ROBO2: variants seen among roughly 807,000 people sequenced by gnomAD.
The protein encoded by ROBO2 is roundabout homolog 2.
A neutral mutation model predicts 160.8 loss-of-function variants in ROBO2; 53 were observed. That is an observed-to-expected ratio of 0.33 (90% CI 0.26 to 0.41). The LOEUF is 0.41. ROBO2 is among the 10% of genes least tolerant of loss of function. The pLI is 1.00. For missense variants in ROBO2, 1,577 were observed against 1,722.4 expected (o/e 0.92, Z 1.49); for synonymous variants, 664 against 611.7 (o/e 1.09, Z -1.26).
At chr3:77,463,014 C>T (rs1392603952) in intron 2 of ROBO2, among the ~76,000 whole-genome samples, 4 of 152,174 alleles carry the variant, frequency 2.6e-5, no homozygotes, top group African/African-American at 4.8e-5. Flanking sequence ...TTCATACTTT[C>T]ATCTTTCAGT....
Position 76,503,017 on chromosome 3 carries a change from TGTGC to T in ROBO2, c.109+565417_109+565420del, listed in dbSNP as rs1233297033. On this transcript the variant is annotated intron_variant, in intron 2 of 26. Coordinates refer to the ROBO2 transcript ENST00000487694. ...ATATATATATGTGTGTGTGTGTGTG[TGTGC>T]GCGCGCACGCATGTGTGTGTGCAAA... Among the ~76,000 whole-genome samples the T allele has an allele frequency of 1.3e-4, 18 of 142,692 alleles. No individual in the cohort carries two copies. In the South Asian group the frequency reaches 2.5e-3, roughly 20 times the overall value. The allele number at this position is 142,692 out of a possible 152,430, so 93.6% of individuals were successfully genotyped here. A position where few individuals can be genotyped will look rare whatever the true frequency, so the allele number is the denominator to read the frequency against.
chr3:76,460,818 A>G (rs1038499377), intron 2 of ROBO2, among the ~76,000 whole-genome samples: 1 of 152,222 alleles, frequency 6.6e-6, no homozygotes, highest in Non-Finnish European at 1.5e-5. Flanking sequence ...TTAAATCATT[A>G]AATTCTGGAA....
chr3:75,993,757 C>T (rs2065640319), intron 2 of ROBO2, among the ~76,000 whole-genome samples: 1 of 152,104 alleles, frequency 6.6e-6, no homozygotes, highest in African/African-American at 2.4e-5. Context: ...CATTGAAGCA[C>T]CTCATGACAA....
At chr3:76,887,194 ATTTTTTTTT>A (rs5850296) in intron 2 of ROBO2, among the ~76,000 whole-genome samples, 13 of 76,578 alleles carry the variant, frequency 1.7e-4, no homozygotes, top group African/African-American at 4.4e-4. Flanking sequence ...TTCAGGAAGC[ATTTTTTTTT>A]TTTTTTTTTT....
At chr3:77,623,594 C>A (rs867349563) in intron 23 of ROBO2, among the ~76,000 whole-genome samples, 1 of 152,096 alleles carries the variant, frequency 6.6e-6, no homozygotes, top group Non-Finnish European at 1.5e-5. Flanking sequence ...GCTTGCCAGC[C>A]TAATTAAGAT....
intron 2 of ROBO2, among the ~76,000 whole-genome samples, chr3:76,962,677 T>C (rs1056760784): frequency 6.9e-6 from 1 of 145,580 alleles, no homozygotes; most frequent in Admixed American, 6.9e-5. Flanking sequence ...CATGGTGACA[T>C]GCACCTGTGG....
chr3:76,568,892 T>C (rs2084778304), intron 2 of ROBO2, among the ~76,000 whole-genome samples: 1 of 152,190 alleles, frequency 6.6e-6, no homozygotes, highest in Non-Finnish European at 1.5e-5. Context: ...TATTTTAGAA[T>C]TGATATGTAA....
At chr3:76,300,456 C>T (rs185360160) in intron 2 of ROBO2, among the ~76,000 whole-genome samples, 231 of 152,018 alleles carry the variant, frequency 1.5e-3, no homozygotes, top group Admixed American at 3.0e-3. Flanking sequence ...AGCATGTCTT[C>T]TGGATGGAAT....
intron 2 of ROBO2, among the ~76,000 whole-genome samples, chr3:76,297,404 C>G (rs1451258940): frequency 6.6e-6 from 1 of 152,130 alleles, no homozygotes; most frequent in Non-Finnish European, 1.5e-5. Flanking sequence ...CTGGTCATCT[C>G]TGAGTAAAAC....
intron 2 of ROBO2, among the ~76,000 whole-genome samples, chr3:77,176,783 A>C (rs1323969968): frequency 6.6e-6 from 1 of 152,048 alleles, no homozygotes; most frequent in Non-Finnish European, 1.5e-5. Flanking sequence ...CTAGATCAGA[A>C]TAAATTTTGA....
chr3:76,682,939 A>G (rs1203288121), intron 2 of ROBO2, among the ~76,000 whole-genome samples: 1 of 152,144 alleles, frequency 6.6e-6, no homozygotes, highest in Non-Finnish European at 1.5e-5. Flanking sequence ...TTGAGGGTCT[A>G]CATTTGAGAA....
intron 2 of ROBO2, among the ~76,000 whole-genome samples, chr3:76,875,247 G>A (rs917603413): frequency 3.3e-5 from 5 of 152,152 alleles, no homozygotes; most frequent in Middle Eastern, 3.2e-3. Context: ...AAAACCAAAC[G>A]TGCCAGTGCC....
intron 2 of ROBO2, among the ~76,000 whole-genome samples, chr3:76,185,337 G>A (rs1426854982): frequency 6.6e-6 from 1 of 151,150 alleles, no homozygotes; most frequent in African/African-American, 2.4e-5. Context: ...GCTTTAAGTT[G>A]CATCTGTTTG....
chr3:76,805,502 TAC>T (rs1006098051), intron 2 of ROBO2, among the ~76,000 whole-genome samples: 13 of 151,782 alleles, frequency 8.6e-5, no homozygotes, highest in East Asian at 5.8e-4. Flanking sequence ...TATATATATA[TAC>T]ACACACACAT....
At position 77,415,539 on chromosome 3, in the gene ROBO2, A is replaced by G. The variant is rs958166656; in HGVS notation, c.389-61875A>G. Among the ~76,000 whole-genome samples the G allele has an allele frequency of 2.0e-5, 3 of 152,316 alleles. No homozygotes were observed. In the East Asian group the frequency reaches 5.8e-4, roughly 29 times the overall value. On this transcript the variant is annotated intron_variant, in intron 2 of 25. Coordinates refer to ENST00000461745, the Ensembl canonical transcript of ROBO2. ...TCACCAGCCAGAAATCTCTGTGGCCAGCTGTGCCCCTGCCCAGGCTTCACT... is the reference window on the plus strand; with the variant it reads ...TCACCAGCCAGAAATCTCTGTGGCCGGCTGTGCCCCTGCCCAGGCTTCACT...
At chr3:77,644,791 C>G in exon 25 of ROBO2, 2 of 1,614,074 alleles carry the variant, frequency 1.2e-6, no homozygotes, top group Non-Finnish European at 1.7e-6. Flanking sequence ...AAGGGATCCA[C>G]TGGACCTAGG....
At chr3:75,992,952 T>C (rs2065617011) in intron 2 of ROBO2, among the ~76,000 whole-genome samples, 1 of 152,096 alleles carries the variant, frequency 6.6e-6, no homozygotes, top group Admixed American at 6.5e-5. Context: ...TTTCTCCCAT[T>C]TGAAACAGCT....
chr3:76,080,005 A>G (rs910484909), intron 2 of ROBO2, among the ~76,000 whole-genome samples: 2 of 152,202 alleles, frequency 1.3e-5, no homozygotes, highest in Non-Finnish European at 2.9e-5. Context: ...ATGAGATAAC[A>G]TAATTGGCCT....
intron 2 of ROBO2, among the ~76,000 whole-genome samples, chr3:76,988,744 A>C (rs1432362986): frequency 6.6e-6 from 1 of 152,144 alleles, no homozygotes; most frequent in African/African-American, 2.4e-5. Flanking sequence ...CTTTGCTCTG[A>C]AAACAAAGCC....
Sources: gnomAD v4.1 joint callset for allele counts (sites outside exome capture counted in the v4.1 genomes callset) on GRCh38, gnomAD v4.1.1 for gene constraint, MANE v1.5 for transcripts, NCBI Gene and HGNC (gene_info 2026-07-23, HGNC 2026-07-21) for gene names.